RNF144B: variants seen among roughly 807,000 people sequenced by gnomAD.
RNF144B encodes the protein E3 ubiquitin-protein ligase RNF144B.
Under a neutral mutation model 40.2 loss-of-function variants are expected in RNF144B, and 25 were observed. The observed-to-expected ratio is 0.62, with a 90% confidence interval of 0.45 to 0.87. The LOEUF (loss-of-function observed/expected upper bound fraction) is 0.87. Among genes scored for constraint, RNF144B ranks in the 40% least tolerant of loss-of-function variants. The pLI, the probability that RNF144B is intolerant of heterozygous loss-of-function variation, is 0.00. For missense variants in RNF144B, 365 were observed against 373.7 expected (o/e 0.98, Z 0.19); for synonymous variants, 145 against 136.3 (o/e 1.06, Z -0.44).
chr6:18,443,797 C>T lies in RNF144B; in HGVS notation c.331+4053C>T, dbSNP rs1343923105. On this transcript the variant is annotated intron_variant, in intron 4 of 7. Coordinates refer to ENST00000259939, the MANE Select transcript of RNF144B (RefSeq NM_182757.4). The surrounding 1 kb of genome is among the most constrained non-coding windows in gnomAD (Gnocchi z 4.7). ...CTCGAGACCTTCATCAGCTAGGTGA[C>T]TTTGAGACTATGTTGTGAATATATA... Among the ~76,000 whole-genome samples the T allele has an allele frequency of 6.6e-6, 1 of 152,054 alleles. No homozygotes were observed. The highest frequency in any genetic ancestry group is 2.4e-5 in the African/African-American group (1 of 41,376).
At chr6:18,430,527 C>T (rs1758668686) in intron 3 of RNF144B, among the ~76,000 whole-genome samples, 1 of 152,002 alleles carries the variant, frequency 6.6e-6, no homozygotes, top group African/African-American at 2.4e-5. Context: ...CCTGGTTTTC[C>T]TCTGTTGCCC....
intron 2 of RNF144B, among the ~76,000 whole-genome samples, chr6:18,411,488 T>C (rs1795040493): frequency 3.1e-5 from 1 of 32,694 alleles, no homozygotes; most frequent in African/African-American, 1.0e-4. Flanking sequence ...TATATATATA[T>C]ATATATATAT....
rs186053997 is a variant in RNF144B at position 18,451,554 on chromosome 6, A to C, written c.332-5601A>C. 2.6e-5 allele frequency among the ~76,000 whole-genome samples: 4 copies of C among 152,350 alleles called. No individual in the cohort carries two copies. The East Asian group carries it at 7.7e-4, about 29-fold the overall frequency. On this transcript the variant is annotated intron_variant, in intron 4 of 7. Transcript: ENST00000259939. ...AAGAAAAGAGAGGGCAGGGCCTGAC[A>C]CATAGAAGACAGAGTGACGAGAAGT... is the stretch of plus-strand genomic sequence containing the variant.
Position 18,448,406 on chromosome 6 carries a change from T to C in RNF144B, c.331+8662T>C, listed in dbSNP as rs1479826160. Among the ~76,000 whole-genome samples, 1 of 152,026 alleles carries C rather than the reference T, an allele frequency of 6.6e-6. No homozygotes were observed. The highest frequency in any genetic ancestry group is 1.5e-5 in the Non-Finnish European group (1 of 68,000). On this transcript the variant is annotated intron_variant, in intron 4 of 7. Coordinates refer to ENST00000259939, the MANE Select transcript of RNF144B (RefSeq NM_182757.4). This position sits in a 1 kb window ranked among gnomAD's most constrained non-coding sequence, Gnocchi z 4.0. ...TCTGCATGGGTTCTCTTCTAGTTGC[T>C]TGCTTCCTAGGTGCAATAAGAAGGA...
In RNF144B at chr6:18,406,974, C is replaced by T. The variant is rs183444942; in HGVS notation, c.165+7275C>T. Among the ~76,000 whole-genome samples, 167 of 152,224 alleles carry T rather than the reference C, an allele frequency of 1.1e-3. No homozygotes were observed. Among genetic ancestry groups the T allele is most frequent in the South Asian group, 3.1e-3 (15 of 4,822 alleles). ...AGCAGGCGAGAAAGAGAGCACCACA[C>T]TTATCAAACAACCAGATCTCGTGAG... On this transcript the variant is annotated intron_variant, in intron 2 of 7. Coordinates refer to ENST00000259939, the MANE Select transcript of RNF144B (RefSeq NM_182757.4). The surrounding 1 kb of genome is among the most constrained non-coding windows in gnomAD (Gnocchi z 4.2).
Position 18,405,594 on chromosome 6 carries a change from T to C in RNF144B, c.165+5895T>C, listed in dbSNP as rs1794888484. 6.6e-6 allele frequency among the ~76,000 whole-genome samples: 1 copy of C among 152,222 alleles called. No homozygotes were observed. ...CTCACTGCTTATATCCATTAAGAGA[T>C]TTAATGACAATACTATGGTGACTTT... On this transcript the variant is annotated intron_variant, in intron 2 of 7. Transcript: ENST00000259939. This position sits in a 1 kb window ranked among gnomAD's most constrained non-coding sequence, Gnocchi z 4.5.
intron 1 of RNF144B, 132 bp downstream of exon 1, chr6:18,387,762 C>A (rs995653982): frequency 1.0e-5 from 6 of 586,914 alleles, no homozygotes; most frequent in Non-Finnish European, 1.5e-5. Flanking sequence ...GTGCTCAAAC[C>A]ATACAGAACT....
intron 7 of RNF144B, 28 bp downstream of exon 7, chr6:18,463,408 A>G (rs1351653001): frequency 3.7e-6 from 5 of 1,339,994 alleles, no homozygotes; most frequent in Non-Finnish European, 5.4e-6. Context: ...GGAGCGTGAC[A>G]TAAACCAAAA....
At position 18,441,290 on chromosome 6, in the gene RNF144B, A is replaced by G. The variant is rs1052259689; in HGVS notation, c.331+1546A>G. Among the ~76,000 whole-genome samples, 2 of 152,204 alleles carry G rather than the reference A, an allele frequency of 1.3e-5. No homozygotes were observed. Among genetic ancestry groups the G allele is most frequent in the African/African-American group, 4.8e-5 (2 of 41,450 alleles). ...TTCACCCTGTGGATGCCTGGCTGGT[A>G]GCAAGTACCATGATTTGAGTGCTTT... On this transcript the variant is annotated intron_variant, in intron 4 of 7. Transcript: ENST00000259939. The surrounding 1 kb of genome is among the most constrained non-coding windows in gnomAD (Gnocchi z 4.9).
Position 18,391,718 on chromosome 6 carries a change from A to G in RNF144B, c.-37+4088A>G, listed in dbSNP as rs535980698. Among the ~76,000 whole-genome samples the G allele has an allele frequency of 2.1e-4, 32 of 151,468 alleles. 1 individual carries two copies. The South Asian group carries it at 6.3e-3, about 30-fold the overall frequency. ...ACATCTCTACTAAAAATACAAAAAAATTAGCCAAGCGTGGTGGTGGGCGCC... is the reference window on the plus strand; with the variant it reads ...ACATCTCTACTAAAAATACAAAAAAGTTAGCCAAGCGTGGTGGTGGGCGCC... On this transcript the variant is annotated intron_variant, in intron 1 of 7. Transcript: ENST00000259939.
Position 18,387,465 on chromosome 6 carries a change from C to G in RNF144B, c.-202C>G. On this transcript the variant is annotated 5_prime_UTR_variant, in exon 1 of 8. Coordinates refer to ENST00000259939, the MANE Select transcript of RNF144B (RefSeq NM_182757.4). ...GACCCGTAGGTCTGGGAGCGCAAGTCCTGTTGCAGTCTTGCAAAGTGTAAA... is the reference window on the plus strand; with the variant it reads ...GACCCGTAGGTCTGGGAGCGCAAGTGCTGTTGCAGTCTTGCAAAGTGTAAA... The G allele has an allele frequency of 8.0e-7, 1 of 1,256,940 alleles. No individual in the cohort carries two copies. Among genetic ancestry groups the G allele is most frequent in the South Asian group, 1.3e-5 (1 of 78,658 alleles). The allele number at this position is 1,256,940 out of a possible 1,614,324, so 77.9% of individuals were successfully genotyped here.
intron 3 of RNF144B, among the ~76,000 whole-genome samples, chr6:18,432,399 G>T (rs555674894): frequency 3.1e-4 from 47 of 152,288 alleles, no homozygotes; most frequent in African/African-American, 1.0e-3. Flanking sequence ...CACACTAGGA[G>T]CCAGGGAAAA....
intron 4 of RNF144B, among the ~76,000 whole-genome samples, chr6:18,452,731 T>C (rs891453306): frequency 6.6e-6 from 1 of 152,156 alleles, no homozygotes; most frequent in South Asian, 2.1e-4. Context: ...GTAACTGTTA[T>C]GTTTTTTTAA....
intron 1 of RNF144B, chr6:18,396,940 C>A: frequency 2.6e-6 from 1 of 382,004 alleles, no homozygotes; most frequent in Non-Finnish European, 3.6e-6. Flanking sequence ...TGGATGACAG[C>A]TCCTCAGTAG....
In RNF144B at chr6:18,457,298, G is replaced by A; in HGVS notation, c.475G>A (p.Ala159Thr). The A allele has an allele frequency of 2.5e-6, 4 of 1,614,162 alleles. No homozygotes were observed. Among genetic ancestry groups the A allele is most frequent in the Non-Finnish European group, 3.4e-6 (4 of 1,180,010 alleles). Residue 159 changes from alanine (A) to threonine (T), a missense_variant, in exon 5 of 8, where the codon GCT (alanine) becomes ACT (threonine). Transcript: ENST00000259939. The surrounding 1 kb of genome is among the most constrained non-coding windows in gnomAD (Gnocchi z 5.1). ...GAAATTCTGCTCGTGTTGCAAGGAT[G>A]CTTGGCATGCAGAGGTCTCCTGTAG... ...HLKFCSCCKD[A>T]WHAEVSCRDS...
intron 4 of RNF144B, among the ~76,000 whole-genome samples, chr6:18,453,665 G>GT (rs1759264616): frequency 1.3e-5 from 2 of 152,158 alleles, no homozygotes; most frequent in African/African-American, 4.8e-5. Context: ...ACAGGATACT[G>GT]TATGTGGATG....
At chr6:18,408,942 T>G (rs1794972563) in intron 2 of RNF144B, among the ~76,000 whole-genome samples, 1 of 19,894 alleles carries the variant, frequency 5.0e-5, no homozygotes, top group South Asian at 1.2e-3. Flanking sequence ...AAAAGTGTTT[T>G]TTTTTTTTTT....
intron 3 of RNF144B, among the ~76,000 whole-genome samples, chr6:18,430,994 G>A (rs1280234247): frequency 3.3e-5 from 5 of 152,100 alleles, no homozygotes; most frequent in African/African-American, 7.2e-5. Flanking sequence ...TGTAATCCCA[G>A]CACTTTGGGA....
rs1326470543 is a variant in RNF144B at position 18,425,036 on chromosome 6, C to T, written c.166-2545C>T. On this transcript the variant is annotated intron_variant, in intron 2 of 7. Transcript: ENST00000259939. This position sits in a 1 kb window ranked among gnomAD's most constrained non-coding sequence, Gnocchi z 4.2. ...GAAGGGCTTCCATATATAAATTTCA[C>T]GTGTATGTGTGTATGTGTGGGTGTG... Among the ~76,000 whole-genome samples the T allele has an allele frequency of 2.0e-5, 3 of 150,548 alleles. No homozygotes were observed. The highest frequency in any genetic ancestry group is 2.1e-4 in the South Asian group (1 of 4,672).
Sources: gnomAD v4.1 joint callset for allele counts (sites outside exome capture counted in the v4.1 genomes callset) on GRCh38, gnomAD v4.1.1 for gene constraint, Gnocchi (gnomAD v3.1) non-coding constraint, MANE v1.5 for transcripts, NCBI Gene and HGNC (gene_info 2026-07-23, HGNC 2026-07-21) for gene names.